Variants in SRFBP1 observed in about 807,000 individuals in gnomAD.
SRFBP1 encodes serum response factor binding protein 1.
A neutral mutation model predicts 45.5 loss-of-function variants in SRFBP1; 47 were observed. That is an observed-to-expected ratio of 1.03 (90% CI 0.82 to 1.32). SRFBP1 has a LOEUF of 1.32. Ranked by LOEUF, SRFBP1 falls within the 40% of genes most tolerant of loss-of-function variation. The probability of loss-of-function intolerance (pLI) is 0.00; values close to 1 mark genes in which losing one functional copy is unlikely to be tolerated. For synonymous variants in SRFBP1, 203 were observed against 166.3 expected (o/e 1.22, Z -1.70); for missense variants, 621 against 484.6 (o/e 1.28, Z -2.64).
intron 2 of SRFBP1, among the ~76,000 whole-genome samples, chr5:122,068,356 C>G (rs1754357668): frequency 1.3e-5 from 2 of 152,044 alleles, no homozygotes; most frequent in Admixed American, 1.3e-4. Context: ...CAGACCTCTC[C>G]AGACCTATTT....
In SRFBP1 at chr5:122,054,491, C is replaced by T. The variant is rs189763654; in HGVS notation, n.312-20824C>T. On this transcript the variant is annotated intron_variant and non_coding_transcript_variant, in intron 2 of 2. Coordinates refer to the SRFBP1 transcript ENST00000504881. ...TTCACTAGCTCTTTTGTTTCCTGTC[C>T]GTGAGTGTGGCATACATGAGCTGTT... Among the ~76,000 whole-genome samples the T allele has an allele frequency of 1.8e-3, 272 of 152,196 alleles. 1 individual carries two copies. Among genetic ancestry groups the T allele is most frequent in the Non-Finnish European group, 6.5e-4 (44 of 68,020 alleles).
chr5:122,055,352 A>T (rs1754060350), intron 2 of SRFBP1, among the ~76,000 whole-genome samples: 1 of 152,216 alleles, frequency 6.6e-6, no homozygotes, highest in South Asian at 2.1e-4. Flanking sequence ...GGATTTCAGC[A>T]TATAAGCTTG....
chr5:122,027,001 C>G lies in SRFBP1; in HGVS notation c.1165C>G (p.Leu389Val). Reference protein sequence around the residue: ...NQFNKKLSGRLENTKQQLQLP... With the variant: ...NQFNKKLSGRVENTKQQLQLP... ...GTTTAATAAGAAGCTATCAGGAAGACTTGAAAATACAAAACAGCAATTGCA... is the reference window on the plus strand; with the variant it reads ...GTTTAATAAGAAGCTATCAGGAAGAGTTGAAAATACAAAACAGCAATTGCA... The change falls in exon 8 of 8, where the codon CTT becomes GTT. Residue 389 changes from leucine to valine, a missense_variant. Physicochemically the swap from Leu to Val is conservative, Grantham distance 32. Transcript: ENST00000339397. The G allele has an allele frequency of 6.2e-7, 1 of 1,613,064 alleles. No individual in the cohort carries two copies. The highest frequency in any genetic ancestry group is 2.2e-5 in the East Asian group (1 of 44,766).
In SRFBP1 at chr5:122,020,314, T is replaced by A; in HGVS notation, c.579T>A (p.His193Gln). The change falls in exon 6 of 8, where the codon CAT becomes CAA. Residue 193 changes from histidine (H) to glutamine (Q), a missense_variant. Coordinates refer to ENST00000339397, the MANE Select transcript of SRFBP1 (RefSeq NM_152546.3). ...AGGAAAAAATAGCAAAGATGGAACA[T>A]GGACCTAAAGCAGTGACTATTGCAA... ...NSKEKIAKME[H>Q]GPKAVTIANS... 1 of 1,613,196 alleles carries A rather than the reference T, an allele frequency of 6.2e-7. No homozygotes were observed. Among genetic ancestry groups the A allele is most frequent in the Non-Finnish European group, 8.5e-7 (1 of 1,179,780 alleles).
intron 2 of SRFBP1, 28 bp from the exon 3 acceptor site, chr5:121,975,287 G>A (rs1022065251): frequency 1.1e-5 from 18 of 1,609,094 alleles, no homozygotes; most frequent in East Asian, 2.2e-5. Flanking sequence ...GCTTTGCCTG[G>A]CTACATATCG....
At chr5:122,038,879 C>G (rs898248661) in intron 2 of SRFBP1, among the ~76,000 whole-genome samples, 7 of 152,026 alleles carry the variant, frequency 4.6e-5, no homozygotes, top group Admixed American at 1.3e-4. Context: ...CCCAAACTTT[C>G]TCAGGGAAGA....
At chr5:121,997,317 A>T (rs1416757459) in intron 4 of SRFBP1, among the ~76,000 whole-genome samples, 1 of 149,934 alleles carries the variant, frequency 6.7e-6, no homozygotes, top group Non-Finnish European at 1.5e-5. Context: ...CAAAACAGAG[A>T]TGTAGATCAA....
intron 2 of SRFBP1, among the ~76,000 whole-genome samples, chr5:122,034,836 T>C (rs1384571267): frequency 6.6e-6 from 1 of 152,136 alleles, no homozygotes; most frequent in Admixed American, 6.5e-5. Flanking sequence ...TTTTTCTGTA[T>C]TTTTGATACT....
At chr5:122,071,621 G>A (rs1290145125) in intron 2 of SRFBP1, among the ~76,000 whole-genome samples, 1 of 152,094 alleles carries the variant, frequency 6.6e-6, no homozygotes, top group Non-Finnish European at 1.5e-5. Flanking sequence ...GAGTCTGTAG[G>A]TATATTCTTG....
intron 3 of SRFBP1, among the ~76,000 whole-genome samples, chr5:121,979,348 G>GT (rs1209566199): frequency 1.3e-5 from 2 of 152,028 alleles, no homozygotes; most frequent in East Asian, 3.9e-4. Context: ...AAGTTACCAA[G>GT]TTTTTTCTAT....
chr5:121,986,710 G>A (rs1185312986), intron 3 of SRFBP1, among the ~76,000 whole-genome samples: 1 of 151,942 alleles, frequency 6.6e-6, no homozygotes, highest in Non-Finnish European at 1.5e-5. Context: ...TTATCACAGG[G>A]TTTATACTTT....
chr5:121,997,591 G>A (rs1580515548), intron 4 of SRFBP1, among the ~76,000 whole-genome samples: 3 of 151,518 alleles, frequency 2.0e-5, no homozygotes, highest in African/African-American at 7.3e-5. Context: ...TTACCATTCA[G>A]GACATAGGCA....
intron 2 of SRFBP1, among the ~76,000 whole-genome samples, chr5:122,060,910 A>C (rs1241661067): frequency 6.6e-6 from 1 of 152,258 alleles, no homozygotes; most frequent in East Asian, 1.9e-4. Context: ...CAGAAACCAG[A>C]ATCCTAAAAC....
intron 3 of SRFBP1, among the ~76,000 whole-genome samples, chr5:121,983,210 A>G (rs771796332): frequency 2.7e-4 from 41 of 151,822 alleles, no homozygotes; most frequent in Non-Finnish European, 5.5e-4. Context: ...ATTATTTTCA[A>G]ACAAAAAGCT....
chr5:121,981,698 AT>A (rs1752410203), intron 3 of SRFBP1, among the ~76,000 whole-genome samples: 1 of 151,418 alleles, frequency 6.6e-6, no homozygotes, highest in Non-Finnish European at 1.5e-5. Context: ...CCTAATTCTT[AT>A]GTTACTTGCT....
chr5:121,980,366 A>C (rs1752384310), intron 3 of SRFBP1, among the ~76,000 whole-genome samples: 1 of 152,122 alleles, frequency 6.6e-6, no homozygotes, highest in Non-Finnish European at 1.5e-5. Flanking sequence ...TCCATTGTAA[A>C]GGTATCTTTT....
chr5:122,066,001 A>T (rs1028246799), intron 2 of SRFBP1: 3 of 152,066 alleles, frequency 2.0e-5, no homozygotes, highest in Admixed American at 6.6e-5. Flanking sequence ...GGAAAGATAA[A>T]ATGATAGAGG....
chr5:121,974,877 A>C (rs1044932403), intron 2 of SRFBP1, among the ~76,000 whole-genome samples: 1 of 151,888 alleles, frequency 6.6e-6, no homozygotes, highest in Non-Finnish European at 1.5e-5. Flanking sequence ...TTAATTTCCT[A>C]TTCTTTCATA....
intron 2 of SRFBP1, chr5:122,070,745 T>C (rs1433118923): frequency 2.0e-6 from 1 of 507,040 alleles, no homozygotes; most frequent in Admixed American, 3.4e-5. Context: ...AAGTATTTAT[T>C]ACTCAGCCTT....
Sources: gnomAD v4.1 joint callset for allele counts (sites outside exome capture counted in the v4.1 genomes callset) on GRCh38, gnomAD v4.1.1 for gene constraint, MANE v1.5 for transcripts, NCBI Gene and HGNC (gene_info 2026-07-23, HGNC 2026-07-21) for gene names.